The following ARHGEF6 variants were observed in gnomAD, a reference collection of about 807,000 sequenced individuals.
The protein encoded by ARHGEF6 is rho guanine nucleotide exchange factor 6.
Under a neutral mutation model 70.3 loss-of-function variants are expected in ARHGEF6, and 9 were observed. The ratio of observed to expected loss-of-function variants is 0.13; its 90% CI spans 0.08 to 0.22. ARHGEF6 has a LOEUF of 0.22. Among genes scored for constraint, ARHGEF6 ranks in the 10% least tolerant of loss-of-function variants. The pLI is 1.00. For missense variants in ARHGEF6, 470 were observed against 563.0 expected (o/e 0.83, Z 1.67); for synonymous variants, 201 against 207.8 (o/e 0.97, Z 0.28).
rs998303780 is a variant in ARHGEF6 at position 136,681,404 on chromosome X, G to C, written c.1558+486C>G. 1.8e-5 allele frequency among the ~76,000 whole-genome samples: 2 copies of C among 112,215 alleles called. 1 individual carries two copies. The highest frequency in any genetic ancestry group is 7.4e-4 in the South Asian group (2 of 2,720). ...TAAATGACACAGACCTGGCAAAAGG[G>C]ATCATAAGCTAAAATGTCAGGGGGC... On this transcript the variant is annotated intron_variant, in intron 14 of 21. Transcript: ENST00000250617.
chrX:136,738,286 G>T (rs1405809595), intron 5 of ARHGEF6, among the ~76,000 whole-genome samples: 1 of 110,646 alleles, frequency 9.0e-6, no homozygotes, highest in Admixed American at 9.6e-5. Context: ...CCTATGACTC[G>T]GTGCACCTCT....
chrX:136,694,056 CTTTT>C (rs1222897407), intron 9 of ARHGEF6, among the ~76,000 whole-genome samples: 2 of 96,214 alleles, frequency 2.1e-5, no homozygotes, highest in Admixed American at 1.1e-4. Flanking sequence ...GTCCCCACTC[CTTTT>C]TTTTTTTTTT....
intron 10 of ARHGEF6, among the ~76,000 whole-genome samples, chrX:136,689,065 C>A (rs965549103): frequency 8.9e-6 from 1 of 111,812 alleles, no homozygotes; most frequent in African/African-American, 3.3e-5. Context: ...AGATTAGGGG[C>A]CTGACCCAAG....
At chrX:136,673,816 C>CT (rs1332246522) in intron 19 of ARHGEF6, among the ~76,000 whole-genome samples, 2 of 110,838 alleles carry the variant, frequency 1.8e-5, no homozygotes, top group Non-Finnish European at 3.8e-5. Flanking sequence ...TCATTGAATG[C>CT]TTTCTTTCTC....
At chrX:136,711,510 G>C (rs1331142506) in intron 7 of ARHGEF6, among the ~76,000 whole-genome samples, 1 of 111,947 alleles carries the variant, frequency 8.9e-6, no homozygotes, top group Non-Finnish European at 1.9e-5. Flanking sequence ...ATGATTCACA[G>C]AACACTTCAT....
At chrX:136,746,288 T>C (rs776600028) in intron 3 of ARHGEF6, among the ~76,000 whole-genome samples, 2 of 112,391 alleles carry the variant, frequency 1.8e-5, no homozygotes, top group Non-Finnish European at 3.8e-5. Context: ...TAGAACTGGA[T>C]AGTTGTCATG....
At chrX:136,694,109 G>A (rs1311074891) in intron 9 of ARHGEF6, among the ~76,000 whole-genome samples, 2 of 105,222 alleles carry the variant, frequency 1.9e-5, no homozygotes. Flanking sequence ...CTGAAGTGCA[G>A]TGGTGCGATC....
intron 2 of ARHGEF6, chrX:136,767,872 C>T: frequency 3.3e-6 from 2 of 605,953 alleles, no homozygotes; most frequent in South Asian, 8.7e-5. Context: ...CAGCAGCAGC[C>T]CTGGTAGCTG....
At chrX:136,719,632 A>G (rs984264648) in intron 6 of ARHGEF6, among the ~76,000 whole-genome samples, 7 of 111,637 alleles carry the variant, frequency 6.3e-5, no homozygotes, top group Non-Finnish European at 1.1e-4. Flanking sequence ...TCTAAAGCAC[A>G]CAGAAGAAAA....
At position 136,706,889 on chromosome X, in the gene ARHGEF6, G is replaced by A. The variant is rs2076632438; in HGVS notation, c.1046+19C>T. 5.0e-6 allele frequency: 6 copies of A among 1,211,269 alleles called. No individual in the cohort carries two copies. The highest frequency in any genetic ancestry group is 5.6e-6 in the Non-Finnish European group (5 of 895,198). Reference sequence around the variant, plus strand: ...GAAAGGATCTCATTGCAAAAGTTGGGGAAATGTTAACTATTTACCTGTGCT... The same window carrying A: ...GAAAGGATCTCATTGCAAAAGTTGGAGAAATGTTAACTATTTACCTGTGCT... On this transcript the variant is annotated intron_variant, in intron 9 of 21. Transcript: ENST00000250617.
At chrX:136,700,668 C>G (rs1303846495) in intron 9 of ARHGEF6, among the ~76,000 whole-genome samples, 1 of 112,135 alleles carries the variant, frequency 8.9e-6, no homozygotes, top group Non-Finnish European at 1.9e-5. Context: ...GAAAACCTCA[C>G]AGTAAACACC....
chrX:136,743,730 C>T lies in ARHGEF6; in HGVS notation c.516G>A (p.Lys172=). The T allele has an allele frequency of 8.3e-7, 1 of 1,211,792 alleles. No individual in the cohort carries two copies. The highest frequency in any genetic ancestry group is 1.1e-6 in the Non-Finnish European group (1 of 895,512). Residue 172 remains lysine, a synonymous_variant, in exon 5 of 22, where the codon AAG becomes AAA. Coordinates refer to ENST00000250617, the MANE Select transcript of ARHGEF6 (RefSeq NM_004840.3). ...QLIVKARFNF[K]QTNEDELSVC... is the part of the protein sequence containing the mutation. ...CTGACAGTTCATCCTCATTAGTCTGCTTAAAGTTGAATCTTGCTTTTACTA... is the reference window on the plus strand; with the variant it reads ...CTGACAGTTCATCCTCATTAGTCTGTTTAAAGTTGAATCTTGCTTTTACTA...
chrX:136,701,708 T>C (rs950844866), intron 9 of ARHGEF6, among the ~76,000 whole-genome samples: 108 of 80,790 alleles, frequency 1.3e-3, no homozygotes, highest in Middle Eastern at 5.7e-3. Context: ...TTTTCTTTTT[T>C]TTTTTTTTTT....
chrX:136,729,785 G>A (rs1159228626), intron 6 of ARHGEF6, among the ~76,000 whole-genome samples: 4 of 104,070 alleles, frequency 3.8e-5, no homozygotes, highest in African/African-American at 1.1e-4. Flanking sequence ...AGCTGAGATC[G>A]TGCCACTGCA....
At chrX:136,726,137 C>T (rs1481207182) in intron 6 of ARHGEF6, among the ~76,000 whole-genome samples, 1 of 111,584 alleles carries the variant, frequency 9.0e-6, no homozygotes, top group Non-Finnish European at 1.9e-5. Flanking sequence ...ATTATGGTGC[C>T]TATGAAAATG....
rs771229155 is a variant in ARHGEF6, at chrX:136,752,808, A to G, written c.250-5216T>C. 2.4e-3 allele frequency among the ~76,000 whole-genome samples: 273 copies of G among 112,552 alleles called. 1 individual carries two copies. Among genetic ancestry groups the G allele is most frequent in the Non-Finnish European group, 3.7e-3 (198 of 53,309 alleles). On this transcript the variant is annotated intron_variant, in intron 2 of 21. Transcript: ENST00000250617. ...GATTCCAAATATTTAGGAACATTCC[A>G]GCTCTTCCTTGTTCTTATTGCTCTT... is the stretch of plus-strand genomic sequence containing the variant.
intron 7 of ARHGEF6, among the ~76,000 whole-genome samples, chrX:136,711,635 G>A (rs1426133807): frequency 4.5e-5 from 5 of 111,298 alleles, no homozygotes; most frequent in Non-Finnish European, 7.5e-5. Flanking sequence ...TGAACTTGGC[G>A]CACTGCAACC....
chrX:136,775,196 T>C (rs144535929), intron 2 of ARHGEF6, among the ~76,000 whole-genome samples: 1,576 of 111,173 alleles, frequency 0.014, 30 homozygotes, highest in African/African-American at 0.049. Context: ...AATCATTCTA[T>C]GAAGCCAGTA....
At chrX:136,718,536 T>C (rs1399576453) in intron 6 of ARHGEF6, among the ~76,000 whole-genome samples, 1 of 111,966 alleles carries the variant, frequency 8.9e-6, no homozygotes, top group Non-Finnish European at 1.9e-5. Flanking sequence ...ATAAAGTATA[T>C]TGATAAATCT....
Sources: gnomAD v4.1 joint callset for allele counts (sites outside exome capture counted in the v4.1 genomes callset) on GRCh38, gnomAD v4.1.1 for gene constraint, MANE v1.5 for transcripts, NCBI Gene and HGNC (gene_info 2026-07-23, HGNC 2026-07-21) for gene names.